TRIO: variants seen among roughly 807,000 people sequenced by gnomAD.
The protein encoded by TRIO is triple functional domain protein.
TRIO carries 58 observed loss-of-function variants against 351.9 expected under a neutral mutation model. That is an observed-to-expected ratio of 0.16 (90% CI 0.13 to 0.21). The LOEUF is 0.21. TRIO is among the 10% of genes least tolerant of loss of function. The pLI is 1.00. For missense variants in TRIO, 3,201 were observed against 4,027.8 expected (o/e 0.79, Z 5.56); for synonymous variants, 1,758 against 1,595.7 (o/e 1.10, Z -2.42).
Position 14,375,054 on chromosome 5 carries a change from AAT to A in TRIO, c.3331+714_3331+715del, listed in dbSNP as rs568688982. On this transcript the variant is annotated intron_variant, in intron 19 of 56. Coordinates refer to ENST00000344204, the MANE Select transcript of TRIO (RefSeq NM_007118.4). ...TGATTCATCTCACACTTTTCAAAAC[AAT>A]ATGATTGGCAAAAACTTTGTACATT... is the stretch of plus-strand genomic sequence containing the variant. Among the ~76,000 whole-genome samples, 284 of 152,354 alleles carry A rather than the reference AAT, an allele frequency of 1.9e-3. 2 individuals are homozygous for A. The highest frequency in any genetic ancestry group is 3.4e-3 in the Middle Eastern group (1 of 294).
At chr5:14,218,198 G>A (rs754479132) in intron 1 of TRIO, among the ~76,000 whole-genome samples, 2 of 152,204 alleles carry the variant, frequency 1.3e-5, no homozygotes, top group Non-Finnish European at 2.9e-5. Context: ...AAGCAGTTAA[G>A]TGGCACAGAC....
chr5:14,155,861 C>T (rs1788071729), intron 1 of TRIO, among the ~76,000 whole-genome samples: 1 of 151,770 alleles, frequency 6.6e-6, no homozygotes, highest in South Asian at 2.1e-4. Context: ...GAGGCTGTTC[C>T]TCTCCCTTCT....
Position 14,442,777 on chromosome 5 carries a change from G to A in TRIO, c.5204-18242G>A, listed in dbSNP as rs564095305. ...TTTAATGTAGTAATTTCTGTGCAGT[G>A]CAAAGAACAACTGGTCACATGAAAA... On this transcript the variant is annotated intron_variant, in intron 34 of 56. Transcript: ENST00000344204. Among the ~76,000 whole-genome samples the A allele has an allele frequency of 3.0e-4, 45 of 152,296 alleles. No individual in the cohort carries two copies. In the South Asian group the frequency reaches 8.1e-3, roughly 27 times the overall value.
At chr5:14,499,346 C>A (rs1757116041) in intron 53 of TRIO, among the ~76,000 whole-genome samples, 1 of 152,254 alleles carries the variant, frequency 6.6e-6, no homozygotes, top group African/African-American at 2.4e-5. Context: ...TCAAAACGTC[C>A]TGTAGTTGCC....
At chr5:14,376,830 T>TTAAC (rs1745605107) in intron 19 of TRIO, among the ~76,000 whole-genome samples, 1 of 152,180 alleles carries the variant, frequency 6.6e-6, no homozygotes, top group Non-Finnish European at 1.5e-5. Context: ...CATACTCAGT[T>TTAAC]TTTCTCCCTC....
chr5:14,492,545 G>A (rs753060610), intron 48 of TRIO, 22 bp from the exon 49 acceptor site: 2 of 1,612,346 alleles, frequency 1.2e-6, no homozygotes, highest in Non-Finnish European at 8.5e-7. Flanking sequence ...GCCTTTCTCT[G>A]TCTTCATCTG....
At chr5:14,384,059 G>T (rs1746340855) in intron 21 of TRIO, among the ~76,000 whole-genome samples, 1 of 152,174 alleles carries the variant, frequency 6.6e-6, no homozygotes. Flanking sequence ...CACGGGTCTT[G>T]CAGGCACCAC....
intron 21 of TRIO, among the ~76,000 whole-genome samples, chr5:14,385,102 G>T (rs923083117): frequency 2.6e-5 from 4 of 152,236 alleles, no homozygotes; most frequent in Non-Finnish European, 5.9e-5. Flanking sequence ...CCCATGCTGC[G>T]TGGACGAGGC....
chr5:14,253,641 C>T (rs1252176158), intron 1 of TRIO, among the ~76,000 whole-genome samples: 1 of 152,216 alleles, frequency 6.6e-6, no homozygotes, highest in East Asian at 1.9e-4. Context: ...CCGCACCTGG[C>T]CAGTGCTGGG....
intron 53 of TRIO, chr5:14,498,858 A>C: frequency 1.8e-6 from 1 of 541,810 alleles, no homozygotes; most frequent in South Asian, 3.4e-5. Context: ...GTCGGGGGAG[A>C]CACCGGAGCT....
At chr5:14,362,582 ATTATT>A (rs1421098575) in intron 13 of TRIO, among the ~76,000 whole-genome samples, 1 of 152,188 alleles carries the variant, frequency 6.6e-6, no homozygotes, top group African/African-American at 2.4e-5. Flanking sequence ...GTTCACTTGT[ATTATT>A]TTAGATTGTG....
intron 18 of TRIO, among the ~76,000 whole-genome samples, chr5:14,373,695 A>C (rs1579462149): frequency 1.3e-5 from 2 of 152,334 alleles, no homozygotes; most frequent in African/African-American, 4.8e-5. Context: ...TTCTGAACTG[A>C]GGGCTAAGTT....
chr5:14,156,480 G>C (rs1248740502), intron 1 of TRIO, among the ~76,000 whole-genome samples: 2 of 152,160 alleles, frequency 1.3e-5, no homozygotes, highest in African/African-American at 4.8e-5. Flanking sequence ...ACGTGATTGA[G>C]ATCTCTTTCT....
chr5:14,383,696 C>G (rs1420895227), intron 21 of TRIO, among the ~76,000 whole-genome samples: 1 of 152,146 alleles, frequency 6.6e-6, no homozygotes, highest in Non-Finnish European at 1.5e-5. Context: ...AAGAACACCC[C>G]TCACCTTTCC....
intron 21 of TRIO, among the ~76,000 whole-genome samples, chr5:14,386,170 G>C (rs1746522488): frequency 6.6e-6 from 1 of 152,230 alleles, no homozygotes; most frequent in Non-Finnish European, 1.5e-5. Context: ...CCCGCTAAGA[G>C]AGTGGCGTTT....
In TRIO at chr5:14,509,893, A is replaced by G. The variant is rs964203503; in HGVS notation, c.*1471A>G. The G allele has an allele frequency of 1.3e-5, 2 of 152,974 alleles. No individual in the cohort carries two copies. The highest frequency in any genetic ancestry group is 1.9e-4 in the East Asian group (1 of 5,200). 9.5% of individuals were successfully genotyped at this position (152,974 alleles called of 1,614,324 possible). Reference sequence around the variant, plus strand: ...CAGCCAGACACCTGGGTCTTGAGCCATAAACTGGCGTAGTTAAGCTTTGCA... The same window carrying G: ...CAGCCAGACACCTGGGTCTTGAGCCGTAAACTGGCGTAGTTAAGCTTTGCA... On this transcript the variant is annotated 3_prime_UTR_variant, in exon 57 of 57. Transcript: ENST00000344204.
In TRIO at chr5:14,488,117, C is replaced by T. The variant is rs1415439827; in HGVS notation, c.7489C>T (p.Pro2497Ser). Residue 2497 changes from proline to serine, a missense_variant, in exon 48 of 57, where the codon CCC (proline) becomes TCC (serine). By Grantham distance (74) the Pro-to-Ser change is moderately conservative. Around this residue, in one of 19 missense-constraint regions of TRIO, gnomAD observed 1,089 missense variants for 954.9 expected, o/e 1.14. Coordinates refer to ENST00000344204, the MANE Select transcript of TRIO (RefSeq NM_007118.4). ...SSIPASPASRPGSFTFPGDSD... is the reference protein window; with the variant it reads ...SSIPASPASRSGSFTFPGDSD... The stretch of plus-strand genomic sequence containing the variant: ...CATCCCCGCCTCCCCCGCCAGCCGA[C>T]CCGGCTCCTTCACCTTCCCGGGGGA... 9.9e-6 allele frequency: 16 copies of T among 1,609,656 alleles called. No homozygotes were observed. The African/African-American group carries it at 1.7e-4, about 17-fold the overall frequency.
intron 1 of TRIO, among the ~76,000 whole-genome samples, chr5:14,223,186 G>A (rs1421141675): frequency 6.6e-6 from 1 of 152,184 alleles, no homozygotes; most frequent in Admixed American, 6.5e-5. Flanking sequence ...GTCTATCCCT[G>A]AGAGTTCTTC....
At chr5:14,351,989 A>G (rs939787336) in intron 11 of TRIO, among the ~76,000 whole-genome samples, 1 of 152,166 alleles carries the variant, frequency 6.6e-6, no homozygotes, top group African/African-American at 2.4e-5. Flanking sequence ...TTTCATCTCA[A>G]AAGCTAGCTT....
Sources: allele counts gnomAD v4.1 joint callset (sites outside exome capture counted in the v4.1 genomes callset), GRCh38; gene constraint gnomAD v4.1.1; regional missense constraint gnomAD v4.1.1; transcripts MANE v1.5; gene names NCBI Gene and HGNC (gene_info 2026-07-23, HGNC 2026-07-21).